Variants in IQGAP2 observed in about 807,000 individuals in gnomAD.
The protein encoded by IQGAP2 is ras GTPase-activating-like protein IQGAP2.
A neutral mutation model predicts 201.3 loss-of-function variants in IQGAP2; 173 were observed. That is an observed-to-expected ratio of 0.86 (90% CI 0.76 to 0.98). The LOEUF is 0.98. Among genes scored for constraint, IQGAP2 ranks in the 50% least tolerant of loss-of-function variants. The pLI, the probability that IQGAP2 is intolerant of heterozygous loss-of-function variation, is 0.00. For synonymous variants in IQGAP2, 675 were observed against 673.9 expected (o/e 1.00, Z -0.03); for missense variants, 1,687 against 1,864.8 (o/e 0.90, Z 1.76).
intron 1 of IQGAP2, among the ~76,000 whole-genome samples, chr5:76,454,688 A>G (rs1364612025): frequency 1.1e-5 from 1 of 92,484 alleles, no homozygotes; most frequent in Non-Finnish European, 2.3e-5. Flanking sequence ...AATCCAGTCT[A>G]TCATTGTTGG....
At chr5:76,545,066 A>G (rs1455173445) in intron 2 of IQGAP2, among the ~76,000 whole-genome samples, 1 of 152,112 alleles carries the variant, frequency 6.6e-6, no homozygotes, top group East Asian at 1.9e-4. Context: ...ATCTCTACAT[A>G]TACATACATA....
rs1750736575 is a variant in IQGAP2, at chr5:76,631,882, A to G, written c.1636A>G (p.Asn546Asp). The change falls in exon 15 of 36, where the codon AAT (asparagine) becomes GAT (aspartate). Residue 546 changes from asparagine (N) to aspartate (D), a missense_variant. By Grantham distance (23) the Asn-to-Asp change is conservative. Coordinates refer to ENST00000274364, the MANE Select transcript of IQGAP2 (RefSeq NM_006633.5). ...AGGGGTTACTCTGGTGGTTGATGTT[A>G]ATCAGTGTTTGGAAGGAAAAAAATC... ...KQWVTLVVDV[N>D]QCLEGKKSSD... 1 of 1,600,430 alleles carries G rather than the reference A, an allele frequency of 6.2e-7. No homozygotes were observed.
intron 1 of IQGAP2, among the ~76,000 whole-genome samples, chr5:76,412,826 C>T (rs763348476): frequency 1.3e-5 from 2 of 152,182 alleles, no homozygotes; most frequent in Non-Finnish European, 2.9e-5. Context: ...GCTTCCATCC[C>T]CTGTGGAACC....
At chr5:76,538,838 G>A (rs1319024260) in intron 2 of IQGAP2, among the ~76,000 whole-genome samples, 3 of 152,292 alleles carry the variant, frequency 2.0e-5, no homozygotes, top group African/African-American at 7.2e-5. Flanking sequence ...CTGGGGTGGA[G>A]AGGAGAGGAT....
At chr5:76,486,573 G>T (rs1044961771) in intron 2 of IQGAP2, among the ~76,000 whole-genome samples, 2 of 152,266 alleles carry the variant, frequency 1.3e-5, no homozygotes, top group South Asian at 2.1e-4. Flanking sequence ...AGCGCTGAAG[G>T]CCTGTCAGAT....
chr5:76,519,201 G>A (rs201079291), intron 2 of IQGAP2, among the ~76,000 whole-genome samples: 1 of 152,128 alleles, frequency 6.6e-6, no homozygotes. Flanking sequence ...AGTAGCCCTT[G>A]TGCTACTTCT....
intron 22 of IQGAP2, among the ~76,000 whole-genome samples, chr5:76,666,090 G>A (rs1293972412): frequency 2.6e-5 from 4 of 152,182 alleles, no homozygotes; most frequent in African/African-American, 7.2e-5. Context: ...AAGAGGCGTG[G>A]CTAACCTCAT....
intron 2 of IQGAP2, among the ~76,000 whole-genome samples, chr5:76,508,004 C>CTAA (rs1757713016): frequency 1.6e-5 from 1 of 63,310 alleles, no homozygotes; most frequent in African/African-American, 6.3e-5. Context: ...GACTCCTTCT[C>CTAA]AAAAAAAAAA....
chr5:76,574,714 A>G (rs1745353039), intron 4 of IQGAP2, among the ~76,000 whole-genome samples: 1 of 152,250 alleles, frequency 6.6e-6, no homozygotes, highest in Non-Finnish European at 1.5e-5. Context: ...CATGTTAGAA[A>G]AAGGAAAAGA....
At position 76,496,725 on chromosome 5, in the gene IQGAP2, TTTTCTTTC is replaced by T. The variant is rs774957947; in HGVS notation, c.146+35118_146+35125del. On this transcript the variant is annotated intron_variant, in intron 2 of 35. Transcript: ENST00000274364. ...GTCTCTTTCTTTCTTTCTTTCTTTC[TTTTCTTTC>T]TTTCTTTCTTTCTTTCTTTCTTTCT... Among the ~76,000 whole-genome samples, 687 of 93,432 alleles carry T rather than the reference TTTTCTTTC, an allele frequency of 7.4e-3. 13 individuals are homozygous for T. The highest frequency in any genetic ancestry group is 0.046 in the East Asian group (155 of 3,346). The allele number at this position is 93,432 out of a possible 152,430, so 61.3% of individuals were successfully genotyped here.
intron 1 of IQGAP2, among the ~76,000 whole-genome samples, chr5:76,449,394 T>C (rs546737658): frequency 6.6e-6 from 1 of 152,174 alleles, no homozygotes; most frequent in Non-Finnish European, 1.5e-5. Flanking sequence ...AAAGGAGCTT[T>C]ATAACTTTTC....
intron 1 of IQGAP2, among the ~76,000 whole-genome samples, chr5:76,460,434 G>A (rs1048566017): frequency 6.6e-6 from 1 of 152,116 alleles, no homozygotes; most frequent in Non-Finnish European, 1.5e-5. Flanking sequence ...TTGTTCTGTA[G>A]GAAATAGGGG....
At chr5:76,640,105 A>T (rs1232054554) in intron 16 of IQGAP2, among the ~76,000 whole-genome samples, 1 of 139,836 alleles carries the variant, frequency 7.2e-6, no homozygotes, top group Non-Finnish European at 1.6e-5. Flanking sequence ...AAAAAATTGT[A>T]TTTATTCTAA....
intron 5 of IQGAP2, among the ~76,000 whole-genome samples, chr5:76,581,136 G>A (rs1486733738): frequency 6.6e-6 from 1 of 152,174 alleles, no homozygotes; most frequent in Non-Finnish European, 1.5e-5. Context: ...GGAGCTTTGT[G>A]GAGTAGAGTT....
chr5:76,537,503 C>G (rs1447038836), intron 2 of IQGAP2, among the ~76,000 whole-genome samples: 1 of 137,922 alleles, frequency 7.3e-6, no homozygotes, highest in African/African-American at 2.8e-5. Context: ...TTTTTTTTTT[C>G]AATAGTGCTT....
intron 3 of IQGAP2, among the ~76,000 whole-genome samples, 177 bp from the exon 4 acceptor site, chr5:76,570,403 G>A (rs1381437531): frequency 6.6e-6 from 1 of 152,198 alleles, no homozygotes; most frequent in Admixed American, 6.5e-5. Context: ...CAGATGGTTG[G>A]GATGTTGCCA....
chr5:76,518,511 G>A (rs1266508610), intron 2 of IQGAP2, among the ~76,000 whole-genome samples: 4 of 152,116 alleles, frequency 2.6e-5, no homozygotes, highest in Admixed American at 6.6e-5. Flanking sequence ...CCCACAACAC[G>A]TGGGAATTCA....
At chr5:76,549,652 A>G (rs144795700) in intron 2 of IQGAP2, among the ~76,000 whole-genome samples, 11 of 152,058 alleles carry the variant, frequency 7.2e-5, no homozygotes. Flanking sequence ...CAAGGTGTCA[A>G]TGTGTTTGGT....
At chr5:76,408,286 A>G (rs1403774641) in intron 1 of IQGAP2, among the ~76,000 whole-genome samples, 1 of 152,224 alleles carries the variant, frequency 6.6e-6, no homozygotes, top group African/African-American at 2.4e-5. Context: ...CAGGGCAGGC[A>G]GTTTAATATG....
Sources: allele counts gnomAD v4.1 joint callset (sites outside exome capture counted in the v4.1 genomes callset), GRCh38; gene constraint gnomAD v4.1.1; transcripts MANE v1.5; gene names NCBI Gene and HGNC (gene_info 2026-07-23, HGNC 2026-07-21).